LRRC37A2: variants seen among roughly 807,000 people sequenced by gnomAD.
LRRC37A2 encodes leucine rich repeat containing 37 member A2.
Under a neutral mutation model 68.8 loss-of-function variants are expected in LRRC37A2, and 9 were observed. The ratio of observed to expected loss-of-function variants is 0.13; its 90% CI spans 0.08 to 0.23. The LOEUF is 0.23. LRRC37A2 is among the 10% of genes least tolerant of loss of function. The pLI is 1.00. For synonymous variants in LRRC37A2, 63 were observed against 367.6 expected (o/e 0.17, Z 9.48); for missense variants, 168 against 950.4 (o/e 0.18, Z 10.82).
the LRRC37A2 span, among the ~76,000 whole-genome samples, chr17:46,954,604 A>G: frequency 1.3e-5 from 2 of 152,124 alleles, no homozygotes; most frequent in South Asian, 4.2e-4. Flanking sequence ...TGAATCTATA[A>G]ATTACCTTGG....
the LRRC37A2 span, among the ~76,000 whole-genome samples, chr17:46,460,796 AAGAG>A: frequency 1.3e-4 from 13 of 98,936 alleles, 2 homozygotes; most frequent in African/African-American, 3.0e-4. Flanking sequence ...AAGAGAGAGT[AAGAG>A]AGAGAGAGAG....
the LRRC37A2 span, among the ~76,000 whole-genome samples, chr17:46,970,366 C>A: frequency 1.3e-5 from 2 of 151,954 alleles, no homozygotes; most frequent in African/African-American, 2.4e-5. Context: ...AATGGTGAAA[C>A]CCTGTCTCTA....
chr17:46,979,010 C>G, the LRRC37A2 span: 1 of 1,401,096 alleles, frequency 7.1e-7, no homozygotes, highest in South Asian at 1.6e-5. Flanking sequence ...GCGTTCATCG[C>G]CGCGCGGCGC....
the LRRC37A2 span, among the ~76,000 whole-genome samples, chr17:47,036,196 G>A: frequency 0.076 from 11,634 of 152,086 alleles, 535 homozygotes; most frequent in Middle Eastern, 0.13. Flanking sequence ...TCCTTTGGTT[G>A]TTTGTGCTTT....
At chr17:46,717,884 G>A in the LRRC37A2 span, among the ~76,000 whole-genome samples, 2 of 152,144 alleles carry the variant, frequency 1.3e-5, no homozygotes, top group African/African-American at 2.4e-5. Flanking sequence ...CTGGAGCAGC[G>A]TTCAGACCAA....
At chr17:46,822,156 G>C in the LRRC37A2 span, among the ~76,000 whole-genome samples, 1 of 152,212 alleles carries the variant, frequency 6.6e-6, no homozygotes, top group Non-Finnish European at 1.5e-5. Flanking sequence ...GAGCACATAG[G>C]GGGCTCCAAG....
the LRRC37A2 span, among the ~76,000 whole-genome samples, chr17:46,950,924 CAG>C: frequency 1.3e-5 from 2 of 152,154 alleles, no homozygotes; most frequent in African/African-American, 4.8e-5. Flanking sequence ...GATCTGGAGT[CAG>C]AGGGGGAAGT....
chr17:46,725,170 G>C, the LRRC37A2 span, among the ~76,000 whole-genome samples: 3 of 152,140 alleles, frequency 2.0e-5, no homozygotes, highest in African/African-American at 7.2e-5. Flanking sequence ...GAGAAGACAA[G>C]TGATTTATGG....
chr17:46,735,383 C>T, the LRRC37A2 span, among the ~76,000 whole-genome samples: 5 of 151,634 alleles, frequency 3.3e-5, no homozygotes, highest in Admixed American at 3.3e-4. Flanking sequence ...GGGATTATAA[C>T]GTCGTAGTAG....
the LRRC37A2 span, chr17:46,713,152 A>G: frequency 6.6e-6 from 1 of 152,208 alleles, no homozygotes; most frequent in Admixed American, 6.5e-5. Context: ...TTTTGTTGTT[A>G]TGTATTAAAC....
the LRRC37A2 span, chr17:46,768,244 A>G: frequency 6.2e-7 from 1 of 1,604,096 alleles, no homozygotes; most frequent in African/African-American, 1.3e-5. This position sits in a 1 kb window ranked among gnomAD's most constrained non-coding sequence, Gnocchi z 5.0. Flanking sequence ...CAAGAAGACG[A>G]GATGGGCAAA....
At chr17:46,724,404 A>G in the LRRC37A2 span, among the ~76,000 whole-genome samples, 1 of 152,196 alleles carries the variant, frequency 6.6e-6, no homozygotes, top group Non-Finnish European at 1.5e-5. Context: ...AAGCTAATAG[A>G]TAATAGAGGC....
intron 6 of LRRC37A2, among the ~76,000 whole-genome samples, chr17:46,526,836 G>A (rs1307193650): frequency 1.1e-5 from 1 of 87,356 alleles, no homozygotes; most frequent in East Asian, 2.7e-4. Flanking sequence ...AGGACCAGGC[G>A]GCTAACTATC....
At chr17:46,862,351 T>G in the LRRC37A2 span, among the ~76,000 whole-genome samples, 2 of 152,076 alleles carry the variant, frequency 1.3e-5, no homozygotes, top group Non-Finnish European at 2.9e-5. Context: ...GTAATCAGAC[T>G]CTATTAATTT....
the LRRC37A2 span, among the ~76,000 whole-genome samples, chr17:46,858,124 T>C: frequency 6.6e-6 from 1 of 152,174 alleles, no homozygotes; most frequent in Non-Finnish European, 1.5e-5. Flanking sequence ...GAGATAAGGT[T>C]TCATCATGTT....
chr17:46,961,242 A>G, the LRRC37A2 span, among the ~76,000 whole-genome samples: 1 of 152,214 alleles, frequency 6.6e-6, no homozygotes, highest in Non-Finnish European at 1.5e-5. Context: ...TCAAACTAGT[A>G]GAGACTATGA....
At chr17:46,979,026 G>T in the LRRC37A2 span, 2 of 1,388,438 alleles carry the variant, frequency 1.4e-6, no homozygotes, top group African/African-American at 1.5e-5. Flanking sequence ...GGCGCCGGGG[G>T]TCTCGGCGCG....
the LRRC37A2 span, chr17:46,952,926 C>G: frequency 6.6e-6 from 1 of 152,200 alleles, no homozygotes; most frequent in Non-Finnish European, 1.5e-5. Context: ...CCTCTGTTCT[C>G]TCCTCCCAAG....
the LRRC37A2 span, among the ~76,000 whole-genome samples, chr17:46,783,608 C>A: frequency 2.0e-5 from 3 of 152,184 alleles, no homozygotes; most frequent in Admixed American, 6.5e-5. Context: ...TAACTTTCAG[C>A]CCCAGTAACC....
Sources: allele counts gnomAD v4.1 joint callset (sites outside exome capture counted in the v4.1 genomes callset), GRCh38; gene constraint gnomAD v4.1.1; non-coding constraint Gnocchi (gnomAD v3.1); transcripts MANE v1.5; gene names NCBI Gene and HGNC (gene_info 2026-07-23, HGNC 2026-07-21).